The following ADAM23 variants were observed in gnomAD, a reference collection of about 807,000 sequenced individuals.
The protein encoded by ADAM23 is disintegrin and metalloproteinase domain-containing protein 23.
In ADAM23, 33 loss-of-function variants were observed where a neutral mutation model predicts 120.1. The observed-to-expected ratio is 0.27, with a 90% confidence interval of 0.21 to 0.37. The LOEUF is 0.37. Ranked by LOEUF, ADAM23 falls within the 10% of genes least tolerant of loss-of-function variation. The pLI is 1.00. For missense variants in ADAM23, 862 were observed against 1,058.2 expected, an observed-to-expected ratio of 0.81 and a Z score of 2.57; for synonymous variants, 367 against 375.2, an observed-to-expected ratio of 0.98 and a Z score of 0.25.
At chr2:206,464,915 T>C (rs1695510503) in intron 2 of ADAM23, among the ~76,000 whole-genome samples, 1 of 152,038 alleles carries the variant, frequency 6.6e-6, no homozygotes, top group Non-Finnish European at 1.5e-5. Flanking sequence ...CAGTAGAACT[T>C]GTAAACTTAT....
chr2:206,503,854 C>A (rs1041378586), intron 3 of ADAM23, among the ~76,000 whole-genome samples: 1 of 152,104 alleles, frequency 6.6e-6, no homozygotes, highest in Admixed American at 6.6e-5. Context: ...TACTTAAAAA[C>A]CACTCAGAGT....
Position 206,619,512 on chromosome 2 carries a change from C to T in ADAM23, c.*1885C>T, listed in dbSNP as rs1699002550. The T allele has an allele frequency of 6.6e-6, 1 of 151,572 alleles. No individual in the cohort carries two copies. Among genetic ancestry groups the T allele is most frequent in the Non-Finnish European group, 1.5e-5 (1 of 67,970 alleles). 9.4% of individuals were successfully genotyped at this position (151,572 alleles called of 1,614,324 possible). ...AAAGAGCCCCTACTTCTCTAATGCC[C>T]CCCCCCTTTTTTTTTTAGGAAAAGA... On this transcript the variant is annotated 3_prime_UTR_variant, in exon 26 of 26. Transcript: ENST00000264377.
intron 21 of ADAM23, among the ~76,000 whole-genome samples, chr2:206,590,115 C>T (rs1420562840): frequency 2.7e-5 from 4 of 147,738 alleles, no homozygotes; most frequent in Admixed American, 6.7e-5. Flanking sequence ...TTTTTTTTTT[C>T]GAGACTGAGT....
rs544130791 is a variant in ADAM23 at position 206,494,939 on chromosome 2, G to A, written c.509+13631G>A. 4.3e-4 allele frequency among the ~76,000 whole-genome samples: 65 copies of A among 152,284 alleles called. No individual in the cohort carries two copies. In the South Asian group the frequency reaches 0.013, roughly 30 times the overall value. On this transcript the variant is annotated intron_variant, in intron 3 of 25. Transcript: ENST00000264377. ...TGAATGAAATGAAGCGTGAAGAGAA[G>A]TTTAGATAAAAAAAGAATAAAAAGA...
intron 3 of ADAM23, among the ~76,000 whole-genome samples, chr2:206,508,842 C>T (rs1696559291): frequency 6.6e-6 from 1 of 152,122 alleles, no homozygotes; most frequent in Non-Finnish European, 1.5e-5. Flanking sequence ...TCTGAGAAGT[C>T]ATCAACAACA....
intron 3 of ADAM23, among the ~76,000 whole-genome samples, chr2:206,512,334 T>A (rs1427273100): frequency 6.6e-6 from 1 of 152,200 alleles, no homozygotes; most frequent in Non-Finnish European, 1.5e-5. Context: ...GAAAAAAGCC[T>A]CATTATGCTA....
intron 22 of ADAM23, among the ~76,000 whole-genome samples, chr2:206,593,326 T>C (rs995277943): frequency 3.9e-5 from 6 of 152,212 alleles, no homozygotes; most frequent in Admixed American, 3.9e-4. Context: ...AAAGTAGTTA[T>C]AATTCGAAGA....
At position 206,533,739 on chromosome 2, in the gene ADAM23, A is replaced by G. The variant is rs996011663; in HGVS notation, c.573+2791A>G. Among the ~76,000 whole-genome samples the G allele has an allele frequency of 5.9e-5, 9 of 152,344 alleles. 1 individual carries two copies. The highest frequency in any genetic ancestry group is 2.2e-4 in the African/African-American group (9 of 41,580). ...TCTCTCATTCTTACTTCTCACTAAG[A>G]AAAGATTAATGTCTTGGCTTTTACT... On this transcript the variant is annotated intron_variant, in intron 4 of 25. Transcript: ENST00000264377.
intron 3 of ADAM23, among the ~76,000 whole-genome samples, chr2:206,509,048 A>G (rs769614201): frequency 2.0e-5 from 3 of 152,258 alleles, no homozygotes; most frequent in Non-Finnish European, 2.9e-5. Flanking sequence ...CCAAACCATC[A>G]TATGAAAAGA....
chr2:206,578,318 G>A (rs1698158015), intron 18 of ADAM23, among the ~76,000 whole-genome samples: 1 of 152,038 alleles, frequency 6.6e-6, no homozygotes, highest in Admixed American at 6.6e-5. Context: ...AGTATACACT[G>A]CACCATATTT....
At chr2:206,575,728 G>A (rs1386732677) in intron 18 of ADAM23, among the ~76,000 whole-genome samples, 1 of 152,170 alleles carries the variant, frequency 6.6e-6, no homozygotes, top group Non-Finnish European at 1.5e-5. Flanking sequence ...GACAAAATTG[G>A]GTCCAGAAGG....
At chr2:206,456,110 A>T (rs1158322524) in intron 2 of ADAM23, among the ~76,000 whole-genome samples, 1 of 152,180 alleles carries the variant, frequency 6.6e-6, no homozygotes, top group Non-Finnish European at 1.5e-5. Context: ...TAGGTAATTT[A>T]TGAAGAAAAG....
chr2:206,511,293 G>A (rs1696617154), intron 3 of ADAM23, among the ~76,000 whole-genome samples: 1 of 152,056 alleles, frequency 6.6e-6, no homozygotes, highest in Admixed American at 6.5e-5. Context: ...CATTTCCTCT[G>A]TTTTCTTATG....
intron 4 of ADAM23, among the ~76,000 whole-genome samples, chr2:206,533,392 A>T (rs1169466345): frequency 1.3e-5 from 2 of 152,010 alleles, no homozygotes; most frequent in African/African-American, 4.8e-5. Context: ...TTTAGTAGAG[A>T]CGGGGTTTCA....
At chr2:206,482,463 T>G (rs1695917401) in intron 3 of ADAM23, among the ~76,000 whole-genome samples, 1 of 152,190 alleles carries the variant, frequency 6.6e-6, no homozygotes, top group Non-Finnish European at 1.5e-5. Context: ...GACCATCATT[T>G]CAAACTGTAG....
chr2:206,472,753 A>G (rs531618366), intron 2 of ADAM23, among the ~76,000 whole-genome samples: 1 of 152,228 alleles, frequency 6.6e-6, no homozygotes, highest in Non-Finnish European at 1.5e-5. Flanking sequence ...TGACAAATCC[A>G]TAAATCCAAG....
At chr2:206,467,656 A>G (rs1695567850) in intron 2 of ADAM23, among the ~76,000 whole-genome samples, 1 of 152,126 alleles carries the variant, frequency 6.6e-6, no homozygotes, top group African/African-American at 2.4e-5. Flanking sequence ...TACCATTTTG[A>G]GGTCTTCAGG....
chr2:206,459,782 A>G (rs1695376641), intron 2 of ADAM23, among the ~76,000 whole-genome samples: 1 of 152,200 alleles, frequency 6.6e-6, no homozygotes, highest in Non-Finnish European at 1.5e-5. Flanking sequence ...TAAATGGAAC[A>G]TCACCTTCCA....
chr2:206,477,443 C>T (rs1318804303), intron 2 of ADAM23, among the ~76,000 whole-genome samples: 2 of 152,104 alleles, frequency 1.3e-5, no homozygotes, highest in Non-Finnish European at 2.9e-5. Flanking sequence ...GGTGGTAATT[C>T]TGAGCCCAGG....
Sources: gnomAD v4.1 joint callset for allele counts (sites outside exome capture counted in the v4.1 genomes callset) on GRCh38, gnomAD v4.1.1 for gene constraint, MANE v1.5 for transcripts, NCBI Gene and HGNC (gene_info 2026-07-23, HGNC 2026-07-21) for gene names.